Variants in RREB1 observed in about 807,000 individuals in gnomAD.
The protein encoded by RREB1 is ras responsive element binding protein 1.
A neutral mutation model predicts 117.8 loss-of-function variants in RREB1; 27 were observed. That is an observed-to-expected ratio of 0.23 (90% confidence interval 0.17 to 0.32). The LOEUF (loss-of-function observed/expected upper bound fraction) is 0.32. RREB1 is among the 10% of genes least tolerant of loss of function. The pLI, the probability that RREB1 is intolerant of heterozygous loss-of-function variation, is 1.00. For missense variants in RREB1, 2,577 were observed against 2,378.2 expected (o/e 1.08, Z -1.74); for synonymous variants, 1,298 against 1,026.7 (o/e 1.26, Z -5.05).
At chr6:7,180,433 G>A (rs899011854) in intron 2 of RREB1, among the ~76,000 whole-genome samples, 1 of 152,186 alleles carries the variant, frequency 6.6e-6, no homozygotes, top group African/African-American at 2.4e-5. Flanking sequence ...AGCTGCTGTT[G>A]TGGACTCGTA....
rs758633165 is a variant in RREB1, at chr6:7,231,747, T to C, written c.3648T>C (p.His1216=). The change falls in exon 10 of 13, where the codon CAT becomes CAC. Residue 1216 remains histidine, a synonymous_variant. Transcript: ENST00000379938. The part of the protein sequence containing the change: ...DEVAGAPADH[H]GPSDEEQGSP... ...TGGCCGGAGCCCCTGCCGACCACCA[T>C]GGGCCCAGTGATGAAGAGCAGGGCA... 36 of 1,613,658 alleles carry C rather than the reference T, an allele frequency of 2.2e-5. No homozygotes were observed. The Middle Eastern group carries it at 8.2e-4, about 37-fold the overall frequency.
In RREB1 at chr6:7,230,650, G is replaced by A. The variant is rs61731495; in HGVS notation, c.2551G>A (p.Ala851Thr). Reference protein sequence around the residue: ...ASGRGEDSGCAALGDCKPLTA... With the variant: ...ASGRGEDSGCTALGDCKPLTA... ...GGGGCGCGGGGAGGACAGTGGCTGC[G>A]CTGCCCTTGGTGACTGCAAGCCCCT... The change falls in exon 10 of 13, where the codon GCT becomes ACT. Residue 851 changes from alanine (A) to threonine (T), a missense_variant. Physicochemically the swap from Ala to Thr is moderately conservative, Grantham distance 58. Coordinates refer to ENST00000379938, the MANE Select transcript of RREB1 (RefSeq NM_001003699.4). 3.6e-5 allele frequency: 58 copies of A among 1,599,940 alleles called. No homozygotes were observed. In the East Asian group the frequency reaches 6.9e-4, roughly 19 times the overall value.
chr6:7,137,903 C>A (rs1762412007), intron 1 of RREB1, among the ~76,000 whole-genome samples: 1 of 152,216 alleles, frequency 6.6e-6, no homozygotes, highest in African/African-American at 2.4e-5. Context: ...CATCAGTCAT[C>A]ACTTTCAGAG....
chr6:7,240,057 C>T (rs1464343742), intron 10 of RREB1, among the ~76,000 whole-genome samples: 1 of 152,202 alleles, frequency 6.6e-6, no homozygotes, highest in Non-Finnish European at 1.5e-5. Flanking sequence ...CACTAGAACT[C>T]GTTAGAGGGC....
chr6:7,238,322 C>A (rs1302156227), intron 10 of RREB1, among the ~76,000 whole-genome samples: 1 of 152,226 alleles, frequency 6.6e-6, no homozygotes, highest in Non-Finnish European at 1.5e-5. Flanking sequence ...ACTGCCACCT[C>A]CGCCTCCCAG....
rs748849737 is a variant in RREB1 at position 7,211,539 on chromosome 6, C to T, written c.571-34C>T. 12 of 1,609,190 alleles carry T rather than the reference C, an allele frequency of 7.5e-6. No individual in the cohort carries two copies. In the African/African-American group the frequency reaches 1.2e-4, roughly 16 times the overall value. On this transcript the variant is annotated intron_variant, in intron 7 of 12. Transcript: ENST00000379938. ...TTCCGAAGCCATCCCATGTGGGAGACCTTCATGACTTCACTTTTTTCCTTT... is the reference window on the plus strand; with the variant it reads ...TTCCGAAGCCATCCCATGTGGGAGATCTTCATGACTTCACTTTTTTCCTTT...
At chr6:7,167,154 C>G (rs1022929031) in intron 1 of RREB1, among the ~76,000 whole-genome samples, 1 of 152,126 alleles carries the variant, frequency 6.6e-6, no homozygotes, top group Non-Finnish European at 1.5e-5. Context: ...GTAGTGTGTA[C>G]TTCCGTAATT....
At chr6:7,112,985 G>A (rs1486240746) in intron 1 of RREB1, among the ~76,000 whole-genome samples, 1 of 152,224 alleles carries the variant, frequency 6.6e-6, no homozygotes, top group Non-Finnish European at 1.5e-5. Flanking sequence ...GGGACTTCAA[G>A]GGTACTGAAG....
intron 10 of RREB1, among the ~76,000 whole-genome samples, chr6:7,234,868 A>G (rs1035051141): frequency 6.6e-6 from 1 of 152,214 alleles, no homozygotes; most frequent in African/African-American, 2.4e-5. Context: ...GCAACTGCCC[A>G]CTGGTCAGGG....
rs1769392969 is a variant in RREB1, at chr6:7,251,200, A to G, written c.*2232A>G. ...TCACTATTGATTTAAAGCTTTACTT[A>G]GCCTTGATCTGTACCCTCGTAGTCA... On this transcript the variant is annotated 3_prime_UTR_variant, in exon 13 of 13. Transcript: ENST00000379938. 6.6e-6 allele frequency: 1 copy of G among 152,164 alleles called. No individual in the cohort carries two copies. Among genetic ancestry groups the G allele is most frequent in the Non-Finnish European group, 1.5e-5 (1 of 68,042 alleles). 9.4% of individuals were successfully genotyped at this position (152,164 alleles called of 1,614,324 possible).
intron 1 of RREB1, among the ~76,000 whole-genome samples, chr6:7,145,353 A>C (rs974802581): frequency 1.3e-5 from 2 of 152,102 alleles, no homozygotes; most frequent in Non-Finnish European, 2.9e-5. Flanking sequence ...TGTGATTAGT[A>C]TGTGTGTTGC....
chr6:7,195,241 T>C (rs1166235926), intron 6 of RREB1, among the ~76,000 whole-genome samples: 1 of 152,256 alleles, frequency 6.6e-6, no homozygotes, highest in African/African-American at 2.4e-5. Context: ...CATACTACAT[T>C]TATTATGTCT....
At chr6:7,167,349 A>ATTTT (rs777728313) in intron 1 of RREB1, among the ~76,000 whole-genome samples, 10 of 120,056 alleles carry the variant, frequency 8.3e-5, no homozygotes, top group African/African-American at 1.6e-4. Flanking sequence ...CTGGGACAGG[A>ATTTT]TTTTTTTTTT....
intron 2 of RREB1, among the ~76,000 whole-genome samples, chr6:7,178,352 GGTTA>G (rs1315297472): frequency 6.6e-6 from 1 of 152,164 alleles, no homozygotes; most frequent in Non-Finnish European, 1.5e-5. Context: ...GGTTTAGGTT[GGTTA>G]GTTTGGGCTG....
rs777728313 is a variant in RREB1, at chr6:7,167,349, A to ATT, written c.-284-9286_-284-9285dup. 4.0e-3 allele frequency among the ~76,000 whole-genome samples: 476 copies of ATT among 120,046 alleles called. 4 individuals are homozygous for ATT. The highest frequency in any genetic ancestry group is 7.7e-3 in the African/African-American group (246 of 31,990). The allele number at this position is 120,046 out of a possible 152,430, so 78.8% of individuals were successfully genotyped here. A position where few individuals can be genotyped will look rare whatever the true frequency, so the allele number is the denominator to read the frequency against. On this transcript the variant is annotated intron_variant, in intron 1 of 12. Coordinates refer to ENST00000379938, the MANE Select transcript of RREB1 (RefSeq NM_001003699.4). ...TGTCCAACTTGTGGGCTGGGACAGG[A>ATT]TTTTTTTTTTTTTTTTTTTTTGAGA...
chr6:7,108,295 C>G (rs760624665), intron 1 of RREB1, among the ~76,000 whole-genome samples: 1 of 151,526 alleles, frequency 6.6e-6, no homozygotes, highest in South Asian at 2.1e-4. Context: ...GCCCTCTCCC[C>G]TCGGGCTGCG....
rs533685078 is a variant in RREB1 at position 7,240,670 on chromosome 6, A to G, written c.3973+68A>G. 47 of 1,462,154 alleles carry G rather than the reference A, an allele frequency of 3.2e-5. 1 individual carries two copies. The highest frequency in any genetic ancestry group is 4.1e-5 in the Non-Finnish European group (43 of 1,059,448). 90.6% of individuals were successfully genotyped at this position (1,462,154 alleles called of 1,614,324 possible). ...GAGGAGTTCGGTTAAGAATTGTAGC[A>G]AACTCCAGTCCGAGCTGTGGAGGGG... On this transcript the variant is annotated intron_variant, in intron 11 of 12. Transcript: ENST00000379938.
At chr6:7,145,452 TG>T (rs1762814243) in intron 1 of RREB1, among the ~76,000 whole-genome samples, 2 of 152,230 alleles carry the variant, frequency 1.3e-5, no homozygotes, top group African/African-American at 4.8e-5. Flanking sequence ...GCTTAGCTGA[TG>T]CTTCTGTTGC....
At chr6:7,235,263 A>G (rs1768247495) in intron 10 of RREB1, among the ~76,000 whole-genome samples, 1 of 152,108 alleles carries the variant, frequency 6.6e-6, no homozygotes, top group African/African-American at 2.4e-5. Context: ...GGAGCCTGGG[A>G]AGTCACCTGA....
Sources: gnomAD v4.1 joint callset for allele counts (sites outside exome capture counted in the v4.1 genomes callset) on GRCh38, gnomAD v4.1.1 for gene constraint, MANE v1.5 for transcripts, NCBI Gene and HGNC (gene_info 2026-07-23, HGNC 2026-07-21) for gene names.